CEP120: variants seen among roughly 807,000 people sequenced by gnomAD.
CEP120 encodes centrosomal protein of 120 kDa.
CEP120 carries 113 observed loss-of-function variants against 126.5 expected under a neutral mutation model. The ratio of observed to expected loss-of-function variants is 0.89; its 90% CI spans 0.77 to 1.04. The LOEUF (loss-of-function observed/expected upper bound fraction) is 1.04, where lower values mean the gene tolerates loss of function less well. CEP120 is among the 50% of genes least tolerant of loss of function. CEP120 has a pLI of 0.00. For synonymous variants in CEP120, 400 were observed against 394.3 expected (o/e 1.01, Z -0.17); for missense variants, 1,230 against 1,155.7 (o/e 1.06, Z -0.93).
Position 123,418,293 on chromosome 5 carries a change from T to C in CEP120, c.206+66A>G, listed in dbSNP as rs1484046383. The C allele has an allele frequency of 2.8e-6, 4 of 1,406,326 alleles. No homozygotes were observed. In the African/African-American group the frequency reaches 4.3e-5, roughly 15 times the overall value. The allele number at this position is 1,406,326 out of a possible 1,614,324, so 87.1% of individuals were successfully genotyped here. A position where few individuals can be genotyped will look rare whatever the true frequency, so the allele number is the denominator to read the frequency against. On this transcript the variant is annotated intron_variant, in intron 2 of 19. Transcript: ENST00000306467. ...TCCCAAGTATTAAATACTCAAACTG[T>C]ATTTATTTATAACAGCCTGAAAAAT...
intron 15 of CEP120, among the ~76,000 whole-genome samples, chr5:123,378,063 T>A (rs1771361995): frequency 6.6e-6 from 1 of 152,102 alleles, no homozygotes; most frequent in African/African-American, 2.4e-5. Context: ...ATAAACAGTA[T>A]GAATTTCATA....
chr5:123,367,282 T>C (rs1226289004), intron 17 of CEP120, among the ~76,000 whole-genome samples: 2 of 151,922 alleles, frequency 1.3e-5, no homozygotes, highest in African/African-American at 4.8e-5. Context: ...ACATAAATTT[T>C]AGCTTAATTA....
rs762445605 is a variant in CEP120, at chr5:123,350,044, C to A, written c.2626G>T (p.Glu876Ter). The A allele has an allele frequency of 1.2e-6, 2 of 1,613,152 alleles. No homozygotes were observed. Among genetic ancestry groups the A allele is most frequent in the South Asian group, 1.1e-5 (1 of 90,838 alleles). The change falls in exon 19 of 20, where the codon GAA (glutamate) becomes TAA (stop). Residue 876 changes from glutamate to a stop codon, truncating the protein, a stop_gained. Transcript: ENST00000306467. LOFTEE classifies it high-confidence loss of function. The part of the protein sequence containing the change: ...QMARLKKQQE[E>*]LEQMRLRYLA... ...TAACGTAGTCTCATCTGTTCCAATT[C>A]TTCCTGCTGTTTTTTAAGACGAGCC...
In CEP120 at chr5:123,372,324, G is replaced by A. The variant is rs1051718285; in HGVS notation, c.2481+326C>T. 1.1e-4 allele frequency among the ~76,000 whole-genome samples: 16 copies of A among 152,180 alleles called. No homozygotes were observed. The South Asian group carries it at 1.7e-3, about 16-fold the overall frequency. On this transcript the variant is annotated intron_variant, in intron 17 of 19. Transcript: ENST00000306467. ...ACCGAAGTAGACTGTTTTCTGACAG[G>A]ATCTTGGCTATGCCTTGCTTTCCCT...
rs778029588 is a variant in CEP120 at position 123,372,725 on chromosome 5, T to C, written c.2406A>G (p.Gln802=). 34 of 1,608,414 alleles carry C rather than the reference T, an allele frequency of 2.1e-5. No individual in the cohort carries two copies. Among genetic ancestry groups the C allele is most frequent in the African/African-American group, 1.5e-4 (11 of 74,540 alleles). The change falls in exon 17 of 20, where the codon CAA becomes CAG. Residue 802 remains glutamine, a synonymous_variant. Coordinates refer to ENST00000306467, the MANE Select transcript of CEP120 (RefSeq NM_001375405.1). ...NKYKILEKEF[Q]QFKDQQNNKP... ...TGTTGTTTTGCTGGTCCTTGAACTG[T>C]TGGAACTCTTTTTCCAAAATCTTAT... is the stretch of plus-strand genomic sequence containing the variant.
At chr5:123,402,269 G>A in intron 4 of CEP120, 1 of 1,484,598 alleles carries the variant, frequency 6.7e-7, no homozygotes, top group Non-Finnish European at 9.2e-7. Context: ...GCCCACTTGT[G>A]TAGGAGTGGC....
At chr5:123,352,074 A>G (rs531394818) in intron 18 of CEP120, among the ~76,000 whole-genome samples, 3 of 152,234 alleles carry the variant, frequency 2.0e-5, no homozygotes, top group South Asian at 2.1e-4. Flanking sequence ...ACACGTTTCA[A>G]TAGTTTTAAT....
chr5:123,396,309 G>A (rs1772788106), intron 5 of CEP120, among the ~76,000 whole-genome samples: 1 of 152,016 alleles, frequency 6.6e-6, no homozygotes, highest in East Asian at 1.9e-4. Flanking sequence ...ACTTTTGGGT[G>A]TATACCTAGG....
intron 18 of CEP120, among the ~76,000 whole-genome samples, 200 bp downstream of exon 18, chr5:123,364,296 A>C (rs1028977274): frequency 4.0e-5 from 6 of 151,496 alleles, no homozygotes; most frequent in African/African-American, 1.5e-4. Flanking sequence ...AATTTTTTTT[A>C]AAAGACATAA....
At chr5:123,386,895 C>G (rs1400692458) in intron 9 of CEP120, among the ~76,000 whole-genome samples, 1 of 152,018 alleles carries the variant, frequency 6.6e-6, no homozygotes, top group East Asian at 1.9e-4. Context: ...GCAGTTTCTG[C>G]CATATATAAA....
intron 5 of CEP120, among the ~76,000 whole-genome samples, chr5:123,395,713 G>A (rs922961967): frequency 3.6e-4 from 45 of 125,342 alleles, no homozygotes; most frequent in African/African-American, 1.4e-3. Flanking sequence ...ACAGATTCTT[G>A]CACTGTCACC....
intron 18 of CEP120, among the ~76,000 whole-genome samples, chr5:123,355,136 T>C (rs1044580683): frequency 2.9e-4 from 44 of 152,194 alleles, no homozygotes; most frequent in African/African-American, 1.1e-3. Flanking sequence ...TATGGCTGCA[T>C]AGTATTCCAT....
At chr5:123,368,530 C>A (rs1770630893) in intron 17 of CEP120, among the ~76,000 whole-genome samples, 1 of 151,940 alleles carries the variant, frequency 6.6e-6, no homozygotes, top group African/African-American at 2.4e-5. Flanking sequence ...TCAATTAAGA[C>A]TTGCAATTAA....
chr5:123,375,708 T>C (rs1243443349), intron 16 of CEP120, among the ~76,000 whole-genome samples: 2 of 152,172 alleles, frequency 1.3e-5, no homozygotes, highest in Non-Finnish European at 2.9e-5. Context: ...GCCTTTGTTC[T>C]AGATGGGTGA....
At chr5:123,413,899 C>T (rs771365733) in intron 3 of CEP120, among the ~76,000 whole-genome samples, 2 of 152,188 alleles carry the variant, frequency 1.3e-5, no homozygotes, top group Middle Eastern at 3.4e-3. Flanking sequence ...TGTTATATAA[C>T]TCAGAAAAAT....
intron 5 of CEP120, among the ~76,000 whole-genome samples, chr5:123,395,757 C>T (rs1455678728): frequency 6.7e-6 from 1 of 150,242 alleles, no homozygotes; most frequent in Non-Finnish European, 1.5e-5. Context: ...TCTCGGCTCA[C>T]TGCAAGCTCC....
chr5:123,385,294 C>T (rs558594264), intron 10 of CEP120, among the ~76,000 whole-genome samples, 161 bp from the exon 11 acceptor site: 44 of 152,302 alleles, frequency 2.9e-4, no homozygotes, highest in African/African-American at 1.1e-3. Context: ...TTCACAGGCA[C>T]CAAATATGAA....
chr5:123,415,912 C>G, intron 3 of CEP120, 98 bp downstream of exon 3: 1 of 739,700 alleles, frequency 1.4e-6, no homozygotes, highest in Non-Finnish European at 2.3e-6. Flanking sequence ...TATGACTGAT[C>G]AGGTCTAGTA....
chr5:123,422,022 T>C (rs1774748275), intron 1 of CEP120, among the ~76,000 whole-genome samples: 2 of 152,170 alleles, frequency 1.3e-5, no homozygotes. Context: ...TAACATACTA[T>C]TCGTAAAGTG....
Sources: allele counts gnomAD v4.1 joint callset (sites outside exome capture counted in the v4.1 genomes callset), GRCh38; gene constraint gnomAD v4.1.1; transcripts MANE v1.5; gene names NCBI Gene and HGNC (gene_info 2026-07-23, HGNC 2026-07-21).